Variants in CABLES2 observed in about 807,000 individuals in gnomAD.
CABLES2 encodes the protein Cdk5 and Abl enzyme substrate 2.
CABLES2 carries 35 observed loss-of-function variants against 44.8 expected under a neutral mutation model. The observed-to-expected ratio is 0.78, with a 90% confidence interval of 0.60 to 1.04. CABLES2 has a LOEUF of 1.04. Among genes scored for constraint, CABLES2 ranks in the 50% least tolerant of loss-of-function variants. CABLES2 has a pLI of 0.00. For missense variants in CABLES2, 566 were observed against 615.7 expected (o/e 0.92, Z 0.85); for synonymous variants, 282 against 281.1 (o/e 1.00, Z -0.03).
intron 1 of CABLES2, among the ~76,000 whole-genome samples, chr20:62,397,988 G>GAT (rs59529763): frequency 9.2e-5 from 4 of 43,520 alleles, no homozygotes; most frequent in Admixed American, 4.3e-4. Context: ...TGATGGCGGT[G>GAT]GTGGTGATGA....
Position 62,389,781 on chromosome 20 carries a change from T to G in CABLES2, c.*1190A>C, listed in dbSNP as rs547195266. ...GGAGCGCTGGACCATGCAGAATTTG[T>G]TGCAAGAACTTCAGACAGACGTGGA... On this transcript the variant is annotated 3_prime_UTR_variant, in exon 10 of 10. Transcript: ENST00000279101. The G allele has an allele frequency of 6.6e-6, 1 of 152,386 alleles. No homozygotes were observed. Among genetic ancestry groups the G allele is most frequent in the African/African-American group, 2.4e-5 (1 of 41,588 alleles). The allele number at this position is 152,386 out of a possible 1,614,324, so 9.4% of individuals were successfully genotyped here.
intron 1 of CABLES2, among the ~76,000 whole-genome samples, chr20:62,401,144 C>T (rs1988180368): frequency 6.6e-6 from 1 of 152,208 alleles, no homozygotes; most frequent in Admixed American, 6.5e-5. Context: ...GGCCGCTCTC[C>T]ACTGTCTCTC....
At chr20:62,399,113 T>A (rs2427315) in intron 1 of CABLES2, among the ~76,000 whole-genome samples, 97,360 of 151,764 alleles carry the variant, frequency 0.64, 33,754 homozygotes, top group African/African-American at 0.91. Context: ...TGCCCGACAA[T>A]TTTTTTTGTA....
chr20:62,406,855 G>T, intron 1 of CABLES2, 60 bp downstream of exon 1: 1 of 987,584 alleles, frequency 1.0e-6, no homozygotes, highest in Non-Finnish European at 1.3e-6. Flanking sequence ...GGCTGATCCG[G>T]CCCCCGTCCC....
At chr20:62,393,044 G>A (rs945124326) in intron 6 of CABLES2, 21 bp from the exon 7 acceptor site, 1 of 1,595,756 alleles carries the variant, frequency 6.3e-7, no homozygotes, top group South Asian at 1.1e-5. Flanking sequence ...GGCAACCCCT[G>A]ACCCACCAGG....
Position 62,407,202 on chromosome 20 carries a change from C to A in CABLES2, c.75G>T (p.Pro25=). 2 of 979,512 alleles carry A rather than the reference C, an allele frequency of 2.0e-6. No individual in the cohort carries two copies. The highest frequency in any genetic ancestry group is 2.4e-6 in the Non-Finnish European group (2 of 828,318). 60.7% of individuals were successfully genotyped at this position (979,512 alleles called of 1,614,324 possible). The change falls in exon 1 of 10, where the codon CCG becomes CCT. Residue 25 remains proline (P), a synonymous_variant. Transcript: ENST00000279101. ...GPAGPPPPAA[P]TSAARAPPQA... ...GCGGCGGGGCCCGAGCGGCCGAGGT[C>A]GGCGCGGCGGGTGGCGGGGGCCCGG...
chr20:62,404,039 T>A (rs192108878), intron 1 of CABLES2: 1 of 152,300 alleles, frequency 6.6e-6, no homozygotes, highest in Admixed American at 6.5e-5. Flanking sequence ...AAATAAAAAC[T>A]TAGCAGGGTG....
At chr20:62,406,677 G>GCCT (rs1200639297) in intron 1 of CABLES2, among the ~76,000 whole-genome samples, 1 of 38,752 alleles carries the variant, frequency 2.6e-5, no homozygotes, top group Non-Finnish European at 5.1e-5. Flanking sequence ...CTGTGTCCTG[G>GCCT]GTTGACAGGG....
At chr20:62,400,912 T>G (rs1284321052) in intron 1 of CABLES2, among the ~76,000 whole-genome samples, 1 of 152,238 alleles carries the variant, frequency 6.6e-6, no homozygotes, top group Non-Finnish European at 1.5e-5. Flanking sequence ...CTCTTTTCTT[T>G]TTTTGTAAGC....
rs1442893824 is a variant in CABLES2 at position 62,388,664 on chromosome 20, A to G, written c.*2307T>C. The G allele has an allele frequency of 6.6e-6, 4 of 605,398 alleles. No individual in the cohort carries two copies. Among genetic ancestry groups the G allele is most frequent in the Admixed American group, 6.3e-5 (2 of 31,574 alleles). The allele number at this position is 605,398 out of a possible 1,614,324, so 37.5% of individuals were successfully genotyped here. On this transcript the variant is annotated 3_prime_UTR_variant, in exon 10 of 10. Transcript: ENST00000279101. The stretch of plus-strand genomic sequence containing the variant: ...AAACTGAGGTTTAAAGGACAAATAC[A>G]TTATCCATTTAAAAACAGATATCTA...
rs1337592220 is a variant in CABLES2 at position 62,390,769 on chromosome 20, A to G, written c.*202T>C. 1.7e-6 allele frequency: 1 copy of G among 592,366 alleles called. No individual in the cohort carries two copies. The highest frequency in any genetic ancestry group is 1.9e-5 in the African/African-American group (1 of 53,810). The allele number at this position is 592,366 out of a possible 1,614,324, so 36.7% of individuals were successfully genotyped here. On this transcript the variant is annotated 3_prime_UTR_variant, in exon 10 of 10. Coordinates refer to ENST00000279101, the MANE Select transcript of CABLES2 (RefSeq NM_031215.3). ...AATTCTCAGAAATCCCCTCGGAGGG[A>G]CGGTGCACTTGGGGATGAAAGCGAC...
At chr20:62,398,022 G>GTGGTGGTGACAGTGATGGTGA (rs1569017381) in intron 1 of CABLES2, among the ~76,000 whole-genome samples, 22 of 133,604 alleles carry the variant, frequency 1.6e-4, no homozygotes, top group Non-Finnish European at 2.2e-4. Flanking sequence ...GGCGGTGGTG[G>GTGGTGGTGACAGTGATGGTGA]TGGTGGTGAC....
At chr20:62,401,455 G>T (rs574376348) in intron 1 of CABLES2, among the ~76,000 whole-genome samples, 1 of 152,346 alleles carries the variant, frequency 6.6e-6, no homozygotes, top group East Asian at 1.9e-4. Flanking sequence ...CCAGGCCAGC[G>T]TCCATTGCTT....
intron 1 of CABLES2, among the ~76,000 whole-genome samples, chr20:62,398,031 A>G (rs1477927014): frequency 7.9e-5 from 6 of 75,660 alleles, no homozygotes; most frequent in East Asian, 4.1e-4. Flanking sequence ...GGTGGTGGTG[A>G]CAGTGATGGT....
intron 1 of CABLES2, among the ~76,000 whole-genome samples, chr20:62,397,172 C>T (rs926934609): frequency 6.6e-6 from 1 of 152,242 alleles, no homozygotes; most frequent in Non-Finnish European, 1.5e-5. Flanking sequence ...TCTGTTCCTG[C>T]TCTTCCAGTG....
intron 5 of CABLES2, 138 bp downstream of exon 5, chr20:62,394,019 G>T: frequency 2.8e-6 from 2 of 719,684 alleles, no homozygotes; most frequent in Non-Finnish European, 4.8e-6. Flanking sequence ...GCACGGGCCC[G>T]CATCCACTCC....
At position 62,407,141 on chromosome 20, in the gene CABLES2, G is replaced by A; in HGVS notation, c.136C>T (p.Gln46Ter). The A allele has an allele frequency of 9.8e-7, 1 of 1,021,972 alleles. No individual in the cohort carries two copies. Among genetic ancestry groups the A allele is most frequent in the Non-Finnish European group, 1.2e-6 (1 of 852,390 alleles). 63.3% of individuals were successfully genotyped at this position (1,021,972 alleles called of 1,614,324 possible). ...LRRRGDSRRR[Q>*]AALFFLNNIS... ...TTGTTGAGGAAGAAAAGCGCGGCCT[G>A]GCGGCGCCGCGAGTCCCCGCGCCTC... Residue 46 changes from glutamine (Q) to a stop codon, truncating the protein, a stop_gained, in exon 1 of 10, where the codon CAG becomes TAG. Transcript: ENST00000279101. LOFTEE classifies it high-confidence loss of function.
rs1265889116 is a variant in CABLES2, at chr20:62,393,035, G to A, written c.881-12C>T. 1 of 1,607,208 alleles carries A rather than the reference G, an allele frequency of 6.2e-7. No individual in the cohort carries two copies. Among genetic ancestry groups the A allele is most frequent in the Non-Finnish European group, 8.5e-7 (1 of 1,174,118 alleles). On this transcript the variant is annotated splice_polypyrimidine_tract_variant and intron_variant, in intron 6 of 9. Coordinates refer to ENST00000279101, the MANE Select transcript of CABLES2 (RefSeq NM_031215.3). ...CCCCACGTCACTCCCTGTAAGAGAG[G>A]CAACCCCTGACCCACCAGGAGTCTT...
chr20:62,396,606 A>G lies in CABLES2; in HGVS notation c.363-14T>C, dbSNP rs947341319. 4.4e-6 allele frequency: 7 copies of G among 1,605,938 alleles called. No individual in the cohort carries two copies. Among genetic ancestry groups the G allele is most frequent in the African/African-American group, 2.7e-5 (2 of 74,814 alleles). ...GTGACTCGCTTCCTGCAAGATGACA[A>G]TGGAGCCTCAAAACAGGCCACCAGC... On this transcript the variant is annotated splice_polypyrimidine_tract_variant and intron_variant, in intron 1 of 9. Transcript: ENST00000279101. The surrounding 1 kb of genome is among the most constrained non-coding windows in gnomAD (Gnocchi z 5.7).
Sources: allele counts gnomAD v4.1 joint callset (sites outside exome capture counted in the v4.1 genomes callset), GRCh38; gene constraint gnomAD v4.1.1; non-coding constraint Gnocchi (gnomAD v3.1); transcripts MANE v1.5; gene names NCBI Gene and HGNC (gene_info 2026-07-23, HGNC 2026-07-21).